Variants in MGMT observed in about 807,000 individuals in gnomAD.
The protein encoded by MGMT is methylated-DNA--protein-cysteine methyltransferase.
MGMT carries 14 observed loss-of-function variants against 15.9 expected under a neutral mutation model. The ratio of observed to expected loss-of-function variants is 0.88; its 90% confidence interval spans 0.58 to 1.37. The LOEUF (loss-of-function observed/expected upper bound fraction) is 1.37, where lower values mean the gene tolerates loss of function less well. MGMT is among the 40% of genes most tolerant of loss of function. The probability of loss-of-function intolerance (pLI) is 0.00; values close to 1 mark genes in which losing one functional copy is unlikely to be tolerated. For missense variants in MGMT, 282 were observed against 268.1 expected (o/e 1.05, Z -0.36); for synonymous variants, 130 against 118.2 (o/e 1.10, Z -0.65).
rs1387254422 is a variant in MGMT, at chr10:129,556,833, T to G, written c.125+20456T>G. ...TAGTCCCAAATCACTTTTTCACAACTTGTTTCTGTTCTGTCGTAGGGCTAG... is the reference window on the plus strand; with the variant it reads ...TAGTCCCAAATCACTTTTTCACAACGTGTTTCTGTTCTGTCGTAGGGCTAG... On this transcript the variant is annotated intron_variant, in intron 2 of 4. Coordinates refer to ENST00000651593, the MANE Select transcript of MGMT (RefSeq NM_002412.5). This position sits in a 1 kb window ranked among gnomAD's most constrained non-coding sequence, Gnocchi z 4.3. Among the ~76,000 whole-genome samples the G allele has an allele frequency of 6.6e-6, 1 of 152,228 alleles. No homozygotes were observed. The highest frequency in any genetic ancestry group is 2.4e-5 in the African/African-American group (1 of 41,462).
At chr10:129,614,162 A>G (rs926023277) in intron 2 of MGMT, among the ~76,000 whole-genome samples, 9 of 152,040 alleles carry the variant, frequency 5.9e-5, no homozygotes, top group Admixed American at 4.6e-4. Context: ...ACTACATCAC[A>G]TAAGTGGTAC....
intron 1 of MGMT, among the ~76,000 whole-genome samples, chr10:129,523,206 G>T (rs1387811540): frequency 6.6e-6 from 1 of 152,244 alleles, no homozygotes; most frequent in Non-Finnish European, 1.5e-5. Flanking sequence ...ACCCGGCGGG[G>T]GCCTCGGCGG....
chr10:129,610,296 G>A (rs1011005052), intron 2 of MGMT, among the ~76,000 whole-genome samples: 2 of 152,182 alleles, frequency 1.3e-5, no homozygotes, highest in African/African-American at 4.8e-5. Context: ...AAAATAGCCT[G>A]TCAGGCCCAT....
chr10:129,705,356 G>A (rs1848148466), intron 2 of MGMT, among the ~76,000 whole-genome samples: 1 of 152,168 alleles, frequency 6.6e-6, no homozygotes, highest in African/African-American at 2.4e-5. Flanking sequence ...GATGTGCCAG[G>A]GTATTTCCGC....
At chr10:129,605,578 T>C (rs758830814) in intron 2 of MGMT, among the ~76,000 whole-genome samples, 26 of 151,232 alleles carry the variant, frequency 1.7e-4, no homozygotes, top group Non-Finnish European at 3.8e-4. Flanking sequence ...GGATCATATT[T>C]AAAAAAAAAC....
At chr10:129,569,625 A>G (rs1846394703) in intron 2 of MGMT, among the ~76,000 whole-genome samples, 1 of 152,136 alleles carries the variant, frequency 6.6e-6, no homozygotes, top group Non-Finnish European at 1.5e-5. Flanking sequence ...TGAGGGGACC[A>G]TGACTGTGGG....
At chr10:129,498,876 G>T (rs572067626) in intron 1 of MGMT, among the ~76,000 whole-genome samples, 1 of 152,210 alleles carries the variant, frequency 6.6e-6, no homozygotes, top group African/African-American at 2.4e-5. Flanking sequence ...TTCTCAGTAG[G>T]GGGAGCTAGG....
At chr10:129,530,074 AT>A (rs748332054) in intron 1 of MGMT, among the ~76,000 whole-genome samples, 29 of 151,540 alleles carry the variant, frequency 1.9e-4, no homozygotes, top group Non-Finnish European at 3.5e-4. Context: ...TAATGTTTTT[AT>A]GTTTTTTAGT....
chr10:129,594,866 G>T (rs560117563), intron 2 of MGMT, among the ~76,000 whole-genome samples: 1 of 152,332 alleles, frequency 6.6e-6, no homozygotes, highest in South Asian at 2.1e-4. Context: ...TCCCCTGCGA[G>T]TTACACACAT....
intron 2 of MGMT, among the ~76,000 whole-genome samples, chr10:129,671,266 A>G (rs898345251): frequency 3.3e-5 from 5 of 152,206 alleles, no homozygotes; most frequent in Admixed American, 1.3e-4. Context: ...CATTTTTATG[A>G]TGCTGTGATA....
intron 2 of MGMT, among the ~76,000 whole-genome samples, chr10:129,644,078 C>A (rs1473143742): frequency 6.6e-6 from 1 of 152,198 alleles, no homozygotes; most frequent in Admixed American, 6.5e-5. Flanking sequence ...CCCGGTCTAA[C>A]CCATCATGCT....
intron 2 of MGMT, among the ~76,000 whole-genome samples, chr10:129,635,568 T>C (rs1236366883): frequency 6.6e-6 from 1 of 152,264 alleles, no homozygotes; most frequent in Admixed American, 6.5e-5. Context: ...CTCTTACTTA[T>C]TTTATCTTGC....
At chr10:129,702,141 C>A (rs1376150212) in intron 2 of MGMT, 1 of 152,220 alleles carries the variant, frequency 6.6e-6, no homozygotes, top group Non-Finnish European at 1.5e-5. Flanking sequence ...ATCACCGGGG[C>A]CTTCCAGTCT....
At chr10:129,480,948 A>G (rs1845351483) in intron 1 of MGMT, among the ~76,000 whole-genome samples, 1 of 152,238 alleles carries the variant, frequency 6.6e-6, no homozygotes, top group Non-Finnish European at 1.5e-5. Flanking sequence ...TGGCAGCGTC[A>G]TTCTGGTTTG....
rs774481416 is a variant in MGMT, at chr10:129,759,221, G to T, written c.294G>T (p.Val98=). 5.6e-6 allele frequency: 9 copies of T among 1,614,232 alleles called. No individual in the cohort carries two copies. Among genetic ancestry groups the T allele is most frequent in the Non-Finnish European group, 6.8e-6 (8 of 1,180,040 alleles). The change falls in exon 4 of 5, where the codon GTG becomes GTT. Residue 98 remains valine (V), a synonymous_variant. Transcript: ENST00000651593. ...VFQQESFTRQ[V]LWKLLKVVKF... ...TTTCAGAGTCGTTCACCAGACAGGT[G>T]TTATGGAAGCTGCTGAAGGTTGTGA...
intron 1 of MGMT, among the ~76,000 whole-genome samples, chr10:129,479,967 A>T (rs1845339356): frequency 6.6e-6 from 1 of 152,220 alleles, no homozygotes; most frequent in African/African-American, 2.4e-5. Context: ...TAAAATATTG[A>T]TTCATTTAGA....
chr10:129,754,462 C>A (rs185123005), intron 3 of MGMT, among the ~76,000 whole-genome samples: 1 of 152,296 alleles, frequency 6.6e-6, no homozygotes, highest in East Asian at 1.9e-4. Flanking sequence ...CCTGCGGCCC[C>A]TGTTGTCCCC....
intron 3 of MGMT, among the ~76,000 whole-genome samples, chr10:129,754,041 T>C (rs772674129): frequency 1.1e-4 from 17 of 152,206 alleles, no homozygotes; most frequent in Non-Finnish European, 2.2e-4. Context: ...AGTTCTTTTG[T>C]GCACCACTCA....
At chr10:129,672,960 T>C (rs1847741542) in intron 2 of MGMT, among the ~76,000 whole-genome samples, 1 of 152,178 alleles carries the variant, frequency 6.6e-6, no homozygotes, top group Non-Finnish European at 1.5e-5. Context: ...GCACCGGCAG[T>C]GTGGGATCAG....
Sources: gnomAD v4.1 joint callset for allele counts (sites outside exome capture counted in the v4.1 genomes callset) on GRCh38, gnomAD v4.1.1 for gene constraint, Gnocchi (gnomAD v3.1) non-coding constraint, MANE v1.5 for transcripts, NCBI Gene and HGNC (gene_info 2026-07-23, HGNC 2026-07-21) for gene names.